The following THSD7A variants were observed in gnomAD, a reference collection of about 807,000 sequenced individuals.
The protein encoded by THSD7A is thrombospondin type 1 domain containing 7A, also known as thrombospondin type-1 domain-containing protein 7A.
THSD7A carries 96 observed loss-of-function variants against 231.3 expected under a neutral mutation model. That is an observed-to-expected ratio of 0.41 (90% CI 0.35 to 0.49). The LOEUF is 0.49. THSD7A is among the 20% of genes least tolerant of loss of function. The pLI is 0.05. For synonymous variants in THSD7A, 940 were observed against 743.3 expected (o/e 1.26, Z -4.30); for missense variants, 2,290 against 2,070.2 (o/e 1.11, Z -2.06).
chr7:11,681,332 C>T (rs938890943), intron 1 of THSD7A, among the ~76,000 whole-genome samples: 42 of 151,994 alleles, frequency 2.8e-4, no homozygotes, highest in African/African-American at 9.2e-4. Flanking sequence ...GCAATGTATA[C>T]CTACGTAACA....
At chr7:11,818,169 A>G (rs1784767634) in intron 1 of THSD7A, among the ~76,000 whole-genome samples, 1 of 152,272 alleles carries the variant, frequency 6.6e-6, no homozygotes, top group African/African-American at 2.4e-5. Context: ...TACAATACTC[A>G]GAATGTCCTG....
At chr7:11,812,698 A>C (rs895692312) in intron 1 of THSD7A, among the ~76,000 whole-genome samples, 2 of 152,228 alleles carry the variant, frequency 1.3e-5, no homozygotes, top group Non-Finnish European at 2.9e-5. Flanking sequence ...TTGGAGACTT[A>C]TTCTTCACAT....
chr7:11,552,890 C>G (rs1170649975), intron 4 of THSD7A, among the ~76,000 whole-genome samples: 1 of 152,068 alleles, frequency 6.6e-6, no homozygotes, highest in Non-Finnish European at 1.5e-5. Flanking sequence ...CTATGTAAAT[C>G]AGACACCGCC....
rs369203599 is a variant in THSD7A, at chr7:11,446,477, A to G, written c.2801-153T>C. Among the ~76,000 whole-genome samples the G allele has an allele frequency of 3.3e-5, 5 of 152,094 alleles. No homozygotes were observed. Among genetic ancestry groups the G allele is most frequent in the African/African-American group, 1.2e-4 (5 of 41,428 alleles). On this transcript the variant is annotated intron_variant, in intron 12 of 27. Transcript: ENST00000423059. This position sits in a 1 kb window ranked among gnomAD's most constrained non-coding sequence, Gnocchi z 4.0. ...AATCAATGCTATTTTCTCATTCCAC[A>G]GTGTTTTCTACATAGGCTCCTGTTG...
intron 6 of THSD7A, among the ~76,000 whole-genome samples, chr7:11,533,941 C>A (rs1002472548): frequency 6.6e-6 from 1 of 152,100 alleles, no homozygotes; most frequent in Non-Finnish European, 1.5e-5. Context: ...TCCTGTTTTT[C>A]TCATTTTTGA....
intron 2 of THSD7A, among the ~76,000 whole-genome samples, chr7:11,593,921 A>G (rs566733828): frequency 6.6e-6 from 1 of 152,278 alleles, no homozygotes; most frequent in African/African-American, 2.4e-5. Flanking sequence ...CTGAGTGTCA[A>G]ATTGATTGGA....
intron 1 of THSD7A, among the ~76,000 whole-genome samples, chr7:11,812,905 C>A (rs181251914): frequency 6.6e-6 from 1 of 152,060 alleles, no homozygotes; most frequent in African/African-American, 2.4e-5. Flanking sequence ...TGAGTTTATT[C>A]TTTCATGAAA....
At chr7:11,631,184 T>A (rs10241390) in intron 2 of THSD7A, among the ~76,000 whole-genome samples, 2,261 of 152,210 alleles carry the variant, frequency 0.015, 49 homozygotes, top group African/African-American at 0.052. Flanking sequence ...TGCCACTGGG[T>A]GCTTTAGAGG....
At chr7:11,390,635 T>G (rs1363932205) in intron 23 of THSD7A, among the ~76,000 whole-genome samples, 2 of 152,344 alleles carry the variant, frequency 1.3e-5, no homozygotes, top group Non-Finnish European at 1.5e-5. Flanking sequence ...GTTCCCTTGC[T>G]GGTGAGGAGG....
At chr7:11,547,816 G>A (rs1583950770) in intron 4 of THSD7A, among the ~76,000 whole-genome samples, 2 of 152,126 alleles carry the variant, frequency 1.3e-5, no homozygotes, top group East Asian at 3.8e-4. Flanking sequence ...TGAAATTAAT[G>A]AAAACAAACA....
At chr7:11,783,104 G>C (rs1251715407) in intron 1 of THSD7A, among the ~76,000 whole-genome samples, 1 of 152,110 alleles carries the variant, frequency 6.6e-6, no homozygotes, top group Non-Finnish European at 1.5e-5. Context: ...AATCCCATCA[G>C]CAATAACATT....
intron 4 of THSD7A, among the ~76,000 whole-genome samples, chr7:11,561,041 C>T (rs978879976): frequency 6.6e-6 from 1 of 151,994 alleles, no homozygotes. Flanking sequence ...ATAGGGCAAC[C>T]GAGTATGAAG....
chr7:11,672,520 G>A (rs1482537602), intron 1 of THSD7A, among the ~76,000 whole-genome samples: 1 of 151,694 alleles, frequency 6.6e-6, no homozygotes, highest in East Asian at 1.9e-4. Flanking sequence ...TTTTAAACAT[G>A]TTTTGCATAT....
At chr7:11,592,198 A>T (rs1780193501) in intron 3 of THSD7A, among the ~76,000 whole-genome samples, 1 of 152,180 alleles carries the variant, frequency 6.6e-6, no homozygotes, top group Non-Finnish European at 1.5e-5. Context: ...GTCACTTTTC[A>T]CATTAGAACA....
At chr7:11,451,779 C>T (rs766960592) in intron 11 of THSD7A, among the ~76,000 whole-genome samples, 1 of 152,002 alleles carries the variant, frequency 6.6e-6, no homozygotes, top group Non-Finnish European at 1.5e-5. Context: ...ACTGATGCAG[C>T]TCTGAAGCAG....
Position 11,373,042 on chromosome 7 carries a change from C to G in THSD7A, c.*2752G>C, listed in dbSNP as rs1416274487. 6.8e-6 allele frequency: 1 copy of G among 146,966 alleles called. No homozygotes were observed. The highest frequency in any genetic ancestry group is 6.9e-5 in the Admixed American group (1 of 14,524). 9.1% of individuals were successfully genotyped at this position (146,966 alleles called of 1,614,324 possible). On this transcript the variant is annotated 3_prime_UTR_variant, in exon 28 of 28. Transcript: ENST00000423059. Reference sequence around the variant, plus strand: ...TAGGTCATGTTGAACCTAATTTCCTCTCTCTCATATATATGGGTGTGTGTG... The same window carrying G: ...TAGGTCATGTTGAACCTAATTTCCTGTCTCTCATATATATGGGTGTGTGTG...
chr7:11,517,003 G>C (rs17633581), intron 6 of THSD7A, among the ~76,000 whole-genome samples: 6,879 of 151,942 alleles, frequency 0.045, 190 homozygotes, highest in South Asian at 0.072. Flanking sequence ...AATTGTATAT[G>C]TAATACGCAT....
chr7:11,768,220 T>C (rs1305651037), intron 1 of THSD7A, among the ~76,000 whole-genome samples: 2 of 152,222 alleles, frequency 1.3e-5, no homozygotes, highest in African/African-American at 4.8e-5. Context: ...TAAACTCATT[T>C]GCAAAAGACC....
At chr7:11,390,438 G>C (rs1209172343) in intron 23 of THSD7A, among the ~76,000 whole-genome samples, 1 of 152,160 alleles carries the variant, frequency 6.6e-6, no homozygotes, top group African/African-American at 2.4e-5. Flanking sequence ...TTTGAGCTGT[G>C]TTTTTCAGCT....
Sources: gnomAD v4.1 joint callset for allele counts (sites outside exome capture counted in the v4.1 genomes callset) on GRCh38, gnomAD v4.1.1 for gene constraint, Gnocchi (gnomAD v3.1) non-coding constraint, MANE v1.5 for transcripts, NCBI Gene and HGNC (gene_info 2026-07-23, HGNC 2026-07-21) for gene names.